DENND1B: variants seen among roughly 807,000 people sequenced by gnomAD.
The protein encoded by DENND1B is DENN domain-containing protein 1B.
Under a neutral mutation model 90.1 loss-of-function variants are expected in DENND1B, and 59 were observed. The observed-to-expected ratio is 0.65, with a 90% CI of 0.53 to 0.81. The LOEUF (loss-of-function observed/expected upper bound fraction) is 0.81. Among genes scored for constraint, DENND1B ranks in the 40% least tolerant of loss-of-function variants. The pLI is 0.00. For synonymous variants in DENND1B, 337 were observed against 324.6 expected (o/e 1.04, Z -0.41); for missense variants, 862 against 912.6 (o/e 0.94, Z 0.71).
chr1:197,738,317 T>G (rs193135402), intron 2 of DENND1B, among the ~76,000 whole-genome samples: 3 of 152,316 alleles, frequency 2.0e-5, no homozygotes, highest in South Asian at 2.1e-4. Flanking sequence ...CCAAAAAATA[T>G]CAACATTAAA....
chr1:197,569,596 A>AC (rs1475423436), intron 15 of DENND1B, among the ~76,000 whole-genome samples: 1 of 150,744 alleles, frequency 6.6e-6, no homozygotes, highest in Non-Finnish European at 1.5e-5. Context: ...ACACACACAC[A>AC]ATGGAACACT....
intron 7 of DENND1B, among the ~76,000 whole-genome samples, chr1:197,649,870 G>A (rs1340926722): frequency 6.6e-6 from 1 of 152,042 alleles, no homozygotes; most frequent in African/African-American, 2.4e-5. Flanking sequence ...TAAATAGTTG[G>A]GACTTAATTA....
Position 197,699,971 on chromosome 1 carries a change from A to C in DENND1B, c.126+15060T>G, listed in dbSNP as rs535882685. The stretch of plus-strand genomic sequence containing the variant: ...CAAGGAAATAAGAGAGGACACAAAC[A>C]AACGGAAAAGCATTCCATCCTCATG... On this transcript the variant is annotated intron_variant, in intron 3 of 22. Transcript: ENST00000620048. Among the ~76,000 whole-genome samples, 6 of 152,318 alleles carry C rather than the reference A, an allele frequency of 3.9e-5. No homozygotes were observed. The South Asian group carries it at 1.2e-3, about 32-fold the overall frequency.
chr1:197,760,795 C>T (rs1302122173), intron 2 of DENND1B, among the ~76,000 whole-genome samples: 2 of 152,026 alleles, frequency 1.3e-5, no homozygotes, highest in Non-Finnish European at 2.9e-5. Context: ...ACATCTTAAA[C>T]ATTATACTGC....
intron 5 of DENND1B, among the ~76,000 whole-genome samples, chr1:197,669,095 G>T (rs1223031948): frequency 6.6e-6 from 1 of 151,828 alleles, no homozygotes; most frequent in Non-Finnish European, 1.5e-5. Context: ...TATGTATTTT[G>T]GCTATTAACC....
intron 13 of DENND1B, 83 bp from the exon 14 acceptor site, chr1:197,595,416 A>G: frequency 1.3e-6 from 2 of 1,547,372 alleles, no homozygotes; most frequent in Non-Finnish European, 1.7e-6. Flanking sequence ...GGCAAACCAC[A>G]GTGTCTGTAG....
intron 2 of DENND1B, among the ~76,000 whole-genome samples, chr1:197,738,360 A>G (rs1459675480): frequency 6.6e-6 from 1 of 152,224 alleles, no homozygotes; most frequent in East Asian, 1.9e-4. Context: ...GGTCACAACA[A>G]TTCCCTCGTT....
chr1:197,667,132 CAA>C (rs78796571), intron 5 of DENND1B, among the ~76,000 whole-genome samples: 20 of 93,854 alleles, frequency 2.1e-4, no homozygotes, highest in Admixed American at 3.6e-4. Context: ...GACTCCATCT[CAA>C]AAAAAAAAAA....
intron 10 of DENND1B, among the ~76,000 whole-genome samples, chr1:197,624,017 A>G (rs558082657): frequency 3.3e-5 from 5 of 151,600 alleles, no homozygotes; most frequent in Non-Finnish European, 4.4e-5. Context: ...CTTGATCTAT[A>G]GATTACAATC....
upstream of DENND1B, among the ~76,000 whole-genome samples, chr1:197,780,327 CTT>C (rs1265410957): frequency 3.4e-4 from 46 of 134,068 alleles, no homozygotes; most frequent in African/African-American, 6.9e-4. Context: ...GGTGGCTTTT[CTT>C]TTTTTTTTTT....
chr1:197,599,691 TTC>T (rs370775372), intron 13 of DENND1B, among the ~76,000 whole-genome samples: 78 of 151,930 alleles, frequency 5.1e-4, no homozygotes, highest in Non-Finnish European at 9.6e-4. Flanking sequence ...AAATTAACAC[TTC>T]TCTCTTAATA....
intron 2 of DENND1B, among the ~76,000 whole-genome samples, chr1:197,751,393 C>T (rs546391946): frequency 1.3e-5 from 2 of 152,242 alleles, no homozygotes; most frequent in African/African-American, 2.4e-5. Flanking sequence ...ACTATGAAAA[C>T]ACACTATATC....
chr1:197,641,193 A>G (rs1680243034), intron 10 of DENND1B, among the ~76,000 whole-genome samples: 1 of 152,200 alleles, frequency 6.6e-6, no homozygotes, highest in Non-Finnish European at 1.5e-5. Flanking sequence ...ATTAATCCTG[A>G]TAAAATTTAG....
At chr1:197,715,171 T>C (rs1660529643) in intron 2 of DENND1B, 97 bp from the exon 3 acceptor site, 1 of 872,284 alleles carries the variant, frequency 1.1e-6, no homozygotes, top group Non-Finnish European at 1.8e-6. Context: ...AAAGCTACTT[T>C]AATTACAACA....
rs1667941620 is a variant in DENND1B at position 197,510,421 on chromosome 1, G to A, written c.*39C>T. 6.5e-7 allele frequency: 1 copy of A among 1,543,290 alleles called. No homozygotes were observed. The highest frequency in any genetic ancestry group is 1.3e-5 in the South Asian group (1 of 78,936). ...TTCTGTTTATTATACAGATTGCATT[G>A]AATCTCAAAATGTCTCCATAGAAGC... is the stretch of plus-strand genomic sequence containing the variant. On this transcript the variant is annotated 3_prime_UTR_variant, in exon 23 of 23. Coordinates refer to ENST00000620048, the MANE Select transcript of DENND1B (RefSeq NM_001195215.2).
chr1:197,775,916 C>T (rs143523390), upstream of DENND1B, among the ~76,000 whole-genome samples: 156 of 152,278 alleles, frequency 1.0e-3, no homozygotes, highest in African/African-American at 3.7e-3. Flanking sequence ...CTGTGGCCTG[C>T]TTACAGCTCT....
chr1:197,545,787 G>A (rs1670768004), intron 18 of DENND1B, 135 bp downstream of exon 18: 3 of 700,156 alleles, frequency 4.3e-6, no homozygotes, highest in Middle Eastern at 4.1e-4. Context: ...ATTTGCTTTG[G>A]TCAATATTAA....
intron 10 of DENND1B, among the ~76,000 whole-genome samples, chr1:197,621,397 T>C (rs1043770936): frequency 3.3e-5 from 5 of 151,338 alleles, no homozygotes; most frequent in Non-Finnish European, 7.4e-5. Context: ...AGTGCTATCA[T>C]AATAAACTAT....
At chr1:197,697,084 CAAAAA>C (rs778684569) in intron 3 of DENND1B, among the ~76,000 whole-genome samples, 1,060 of 78,790 alleles carry the variant, frequency 0.013, 6 homozygotes, top group Non-Finnish European at 0.02. Context: ...AGAAATTCCA[CAAAAA>C]AAAAAAAAAA....
Sources: gnomAD v4.1 joint callset for allele counts (sites outside exome capture counted in the v4.1 genomes callset) on GRCh38, gnomAD v4.1.1 for gene constraint, MANE v1.5 for transcripts, NCBI Gene and HGNC (gene_info 2026-07-23, HGNC 2026-07-21) for gene names.